C8orf89: variants seen among roughly 807,000 people sequenced by gnomAD.
C8orf89 encodes the protein chromosome 8 open reading frame 89, also known as putative uncharacterized protein C8orf89.
C8orf89 carries 14 observed loss-of-function variants against 15.8 expected under a neutral mutation model. That is an observed-to-expected ratio of 0.89 (90% CI 0.59 to 1.39). The LOEUF (loss-of-function observed/expected upper bound fraction) is 1.39. Ranked by LOEUF, C8orf89 falls within the 40% of genes most tolerant of loss-of-function variation. The pLI is 0.00. For synonymous variants in C8orf89, 55 were observed against 62.2 expected, an observed-to-expected ratio of 0.88 and a Z score of 0.54; for missense variants, 181 against 184.5, an observed-to-expected ratio of 0.98 and a Z score of 0.11.
At chr8:73,282,986 T>C in the C8orf89 span, among the ~76,000 whole-genome samples, 1 of 152,186 alleles carries the variant, frequency 6.6e-6, no homozygotes, top group South Asian at 2.1e-4. Context: ...AATGGAGATA[T>C]ATAATCTGGA....
intron 2 of C8orf89, among the ~76,000 whole-genome samples, chr8:73,255,581 C>A (rs1416917801): frequency 6.6e-6 from 1 of 151,194 alleles, no homozygotes. Context: ...ACTAGAAATA[C>A]CATTTGACCC....
At chr8:73,251,966 G>T (rs1813260752) in intron 2 of C8orf89, among the ~76,000 whole-genome samples, 1 of 152,130 alleles carries the variant, frequency 6.6e-6, no homozygotes, top group South Asian at 2.1e-4. Flanking sequence ...GTAACTGACT[G>T]TCCTTAGTAG....
At position 73,250,301 on chromosome 8, in the gene C8orf89, A is replaced by C. The variant is rs988436277; in HGVS notation, c.304T>G (p.Cys102Gly). 12 of 1,532,722 alleles carry C rather than the reference A, an allele frequency of 7.8e-6. No homozygotes were observed. The highest frequency in any genetic ancestry group is 1.0e-5 in the Non-Finnish European group (12 of 1,144,442). The allele number at this position is 1,532,722 out of a possible 1,614,324, so 94.9% of individuals were successfully genotyped here. A position where few individuals can be genotyped will look rare whatever the true frequency, so the allele number is the denominator to read the frequency against. The change falls in exon 3 of 4, where the codon TGC (cysteine) becomes GGC (glycine). Residue 102 changes from cysteine to glycine, a missense_variant. Transcript: ENST00000624510. ...TTCTCCCAAAGTGGTGCCACACTGC[A>C]TGTCTCCTTAGTCTTCTTTAGCCTG... ...AVRLKKTKET[C>G]SVAPLWEKSK...
At chr8:73,277,757 G>A in the C8orf89 span, 1 of 742,472 alleles carries the variant, frequency 1.3e-6, no homozygotes, top group Middle Eastern at 2.6e-4. Flanking sequence ...GTTTTAGGGA[G>A]GACAGATCCG....
At chr8:73,250,244 A>T (rs1238476256) in intron 3 of C8orf89, 24 bp downstream of exon 3, 16 of 1,506,874 alleles carry the variant, frequency 1.1e-5, no homozygotes, top group Non-Finnish European at 1.4e-5. Context: ...GAGAGGTAGT[A>T]GAAAAAAGGA....
intron 1 of C8orf89, among the ~76,000 whole-genome samples, chr8:73,259,022 A>G (rs915677067): frequency 6.6e-6 from 1 of 152,196 alleles, no homozygotes; most frequent in African/African-American, 2.4e-5. Context: ...AGAAAATGCC[A>G]TTTATAAAAC....
At chr8:73,282,875 G>A in the C8orf89 span, among the ~76,000 whole-genome samples, 1 of 152,312 alleles carries the variant, frequency 6.6e-6, no homozygotes, top group East Asian at 1.9e-4. Flanking sequence ...AGGTGACTGA[G>A]AATTATGGAA....
At chr8:73,257,881 T>C (rs1179555999) in intron 1 of C8orf89, among the ~76,000 whole-genome samples, 3 of 152,206 alleles carry the variant, frequency 2.0e-5, no homozygotes, top group Non-Finnish European at 4.4e-5. Context: ...ATATTGAATG[T>C]TCAAAATGTT....
chr8:73,284,157 A>C, the C8orf89 span, among the ~76,000 whole-genome samples: 1 of 151,596 alleles, frequency 6.6e-6, no homozygotes, highest in South Asian at 2.1e-4. Flanking sequence ...CTGTACTATG[A>C]AATACTCAGT....
At chr8:73,270,264 A>G in the C8orf89 span, among the ~76,000 whole-genome samples, 1 of 152,252 alleles carries the variant, frequency 6.6e-6, no homozygotes, top group African/African-American at 2.4e-5. Flanking sequence ...GCAAGGAGAT[A>G]AGTGAAAGTC....
chr8:73,265,809 G>T, the C8orf89 span, among the ~76,000 whole-genome samples: 1 of 152,312 alleles, frequency 6.6e-6, no homozygotes, highest in African/African-American at 2.4e-5. Context: ...TCCAACTGAA[G>T]TATGTTTCCT....
the C8orf89 span, among the ~76,000 whole-genome samples, chr8:73,274,276 C>T: frequency 1.3e-5 from 2 of 152,004 alleles, no homozygotes; most frequent in African/African-American, 2.4e-5. Context: ...GACAGCCTCC[C>T]GAGTAGCTGG....
the C8orf89 span, among the ~76,000 whole-genome samples, chr8:73,266,358 T>G: frequency 6.6e-6 from 1 of 152,194 alleles, no homozygotes. Context: ...GATAGATTGC[T>G]CAAAGTTTCT....
chr8:73,281,650 T>G, the C8orf89 span, among the ~76,000 whole-genome samples: 2 of 152,322 alleles, frequency 1.3e-5, no homozygotes, highest in South Asian at 4.1e-4. Context: ...TTTGTTTGTT[T>G]GTTTATTTGT....
chr8:73,261,393 C>T (rs116833634), upstream of C8orf89, among the ~76,000 whole-genome samples: 475 of 151,262 alleles, frequency 3.1e-3, 5 homozygotes, highest in African/African-American at 0.011. Flanking sequence ...GCCCAGAACA[C>T]GGGGAGAGAG....
intron 2 of C8orf89, among the ~76,000 whole-genome samples, chr8:73,252,665 T>C (rs1203193301): frequency 6.6e-6 from 1 of 152,214 alleles, no homozygotes; most frequent in African/African-American, 2.4e-5. Flanking sequence ...ACAATTGTAT[T>C]AGCTGGAAAA....
the C8orf89 span, among the ~76,000 whole-genome samples, chr8:73,272,596 C>A: frequency 6.6e-6 from 1 of 151,538 alleles, no homozygotes; most frequent in African/African-American, 2.4e-5. Flanking sequence ...TAATGCTATC[C>A]CTCCCCCCTC....
chr8:73,283,708 C>G, the C8orf89 span, among the ~76,000 whole-genome samples: 3 of 152,172 alleles, frequency 2.0e-5, no homozygotes, highest in East Asian at 5.8e-4. Flanking sequence ...ACTTCTGCTT[C>G]AAGGAATTTA....
At chr8:73,277,679 CCTTCA>C in the C8orf89 span, 1 of 754,498 alleles carries the variant, frequency 1.3e-6, no homozygotes, top group South Asian at 1.3e-5. Flanking sequence ...GGCTGGAAAT[CCTTCA>C]CTTCATTCCT....
Sources: allele counts gnomAD v4.1 joint callset (sites outside exome capture counted in the v4.1 genomes callset), GRCh38; gene constraint gnomAD v4.1.1; transcripts MANE v1.5; gene names NCBI Gene and HGNC (gene_info 2026-07-23, HGNC 2026-07-21).